Variants in DAB1 observed in about 807,000 individuals in gnomAD.
The protein encoded by DAB1 is DAB adaptor protein 1.
DAB1 carries 15 observed loss-of-function variants against 64.6 expected under a neutral mutation model. That is an observed-to-expected ratio of 0.23 (90% confidence interval 0.16 to 0.36). DAB1 has a LOEUF of 0.36. DAB1 is among the 10% of genes least tolerant of loss of function. DAB1 has a pLI of 1.00. For missense variants in DAB1, 596 were observed against 706.7 expected (o/e 0.84, Z 1.78); for synonymous variants, 235 against 251.9 (o/e 0.93, Z 0.64).
chr1:57,559,715 C>T (rs1395198031), intron 7 of DAB1, among the ~76,000 whole-genome samples: 1 of 152,180 alleles, frequency 6.6e-6, no homozygotes, highest in Non-Finnish European at 1.5e-5. Context: ...TTGGCACAGA[C>T]TCACTTAGCA....
In DAB1 at chr1:57,136,603, T is replaced by C; in HGVS notation, c.246A>G (p.Lys82=). The change falls in exon 4 of 15, where the codon AAA becomes AAG. Residue 82 remains lysine, a synonymous_variant. Transcript: ENST00000371236. ...AGGAGATGGTTAAAAAGATTTTCTG[T>C]TTGTGTTCTCCTTTGGAACGAGCGC... is the stretch of plus-strand genomic sequence containing the variant. The part of the protein sequence containing the change: ...VAGARSKGEH[K]QKIFLTISFG... The C allele has an allele frequency of 6.5e-7, 1 of 1,550,198 alleles. No homozygotes were observed. Among genetic ancestry groups the C allele is most frequent in the Non-Finnish European group, 8.8e-7 (1 of 1,134,670 alleles).
chr1:57,013,412 G>T (rs1349927776), intron 12 of DAB1, among the ~76,000 whole-genome samples: 4 of 152,118 alleles, frequency 2.6e-5, no homozygotes, highest in South Asian at 2.1e-4. Flanking sequence ...GCTTATTTAT[G>T]CATGGCTGTC....
Position 58,540,272 on chromosome 1 carries a change from T to C in DAB1, n.32+6431A>G, listed in dbSNP as rs545101528. Among the ~76,000 whole-genome samples the C allele has an allele frequency of 2.1e-5, 3 of 142,470 alleles. No homozygotes were observed. In the Admixed American group the frequency reaches 2.2e-4, roughly 11 times the overall value. 93.5% of individuals were successfully genotyped at this position (142,470 alleles called of 152,430 possible). Reference sequence around the variant, plus strand: ...AGATTAAATGCTTCCAAGCAACAACTGCATCCCAGGAAAAAAAAAAAATCT... The same window carrying C: ...AGATTAAATGCTTCCAAGCAACAACCGCATCCCAGGAAAAAAAAAAAATCT... On this transcript the variant is annotated intron_variant and non_coding_transcript_variant, in intron 1 of 20. Transcript: ENST00000485760.
intron 6 of DAB1, among the ~76,000 whole-genome samples, chr1:57,746,736 GTTATA>G (rs1557457565): frequency 6.6e-6 from 1 of 152,032 alleles, no homozygotes; most frequent in Non-Finnish European, 1.5e-5. Flanking sequence ...GTAAATGGTT[GTTATA>G]TTGTATCATT....
At chr1:58,172,231 G>C (rs970222535) in intron 4 of DAB1, among the ~76,000 whole-genome samples, 1 of 152,214 alleles carries the variant, frequency 6.6e-6, no homozygotes, top group Non-Finnish European at 1.5e-5. Flanking sequence ...ATGTCAGGGA[G>C]AGCAGGGATA....
rs1000778100 is a variant in DAB1 at position 57,126,756 on chromosome 1, C to T, written c.306+9787G>A. Among the ~76,000 whole-genome samples, 29 of 152,202 alleles carry T rather than the reference C, an allele frequency of 1.9e-4. 4 individuals are homozygous for T. Among genetic ancestry groups the T allele is most frequent in the Admixed American group, 1.6e-3 (24 of 15,272 alleles). ...AAATTCAGGCCTGCTAATGGCAAAT[C>T]TAGCCCTTTGTCTGCAACACTGGTC... On this transcript the variant is annotated intron_variant, in intron 4 of 14. Transcript: ENST00000371236.
chr1:57,873,549 C>T (rs1188886006), intron 1 of DAB1, among the ~76,000 whole-genome samples: 1 of 152,166 alleles, frequency 6.6e-6, no homozygotes, highest in Non-Finnish European at 1.5e-5. Context: ...TAGATGGGTA[C>T]AATTTAGCCT....
intron 6 of DAB1, among the ~76,000 whole-genome samples, chr1:57,699,840 G>A (rs770124956): frequency 2.6e-5 from 4 of 152,136 alleles, no homozygotes; most frequent in Admixed American, 1.3e-4. Flanking sequence ...TTGATCCCGG[G>A]AGGCGGAGGT....
intron 5 of DAB1, among the ~76,000 whole-genome samples, chr1:57,903,531 G>C (rs1246485675): frequency 6.6e-6 from 1 of 152,110 alleles, no homozygotes; most frequent in Non-Finnish European, 1.5e-5. Flanking sequence ...CCCAACCTCA[G>C]TCACATGAGG....
Position 58,534,254 on chromosome 1 carries a change from A to G in DAB1, n.33-6919T>C, listed in dbSNP as rs775920250. 1.3e-5 allele frequency: 11 copies of G among 871,632 alleles called. 1 individual carries two copies. The highest frequency in any genetic ancestry group is 6.6e-5 in the South Asian group (5 of 76,100). The allele number at this position is 871,632 out of a possible 1,614,324, so 54.0% of individuals were successfully genotyped here. ...GAACATCTTTATTGCATTCAATTAG[A>G]TGACAAAGCACTTCTTTAACAGCCA... On this transcript the variant is annotated intron_variant and non_coding_transcript_variant, in intron 1 of 20. Coordinates refer to the DAB1 transcript ENST00000485760.
chr1:58,332,329 T>C (rs763302336), intron 4 of DAB1, among the ~76,000 whole-genome samples: 6 of 152,146 alleles, frequency 3.9e-5, no homozygotes, highest in Non-Finnish European at 7.4e-5. Context: ...ATTCTTGATA[T>C]ATATTTTTTC....
Position 57,173,106 on chromosome 1 carries a change from G to A in DAB1, c.68-27677C>T, listed in dbSNP as rs147122232. Among the ~76,000 whole-genome samples the A allele has an allele frequency of 4.3e-3, 651 of 152,216 alleles. 9 individuals carry two copies. Among genetic ancestry groups the A allele is most frequent in the Admixed American group, 0.023 (351 of 15,284 alleles). On this transcript the variant is annotated intron_variant, in intron 2 of 14. Transcript: ENST00000371236. ...AGTAAAGCAGGACTGTATGTCACAGGTATAGTGATCAGAGGTGCCACACCC... is the reference window on the plus strand; with the variant it reads ...AGTAAAGCAGGACTGTATGTCACAGATATAGTGATCAGAGGTGCCACACCC...
intron 1 of DAB1, among the ~76,000 whole-genome samples, chr1:57,863,641 C>T (rs1428481396): frequency 1.3e-5 from 2 of 152,088 alleles, no homozygotes; most frequent in Non-Finnish European, 2.9e-5. Flanking sequence ...ACCACCCAAT[C>T]TGGGAAGGCT....
chr1:58,311,669 C>A lies in DAB1; in HGVS notation n.309+31683G>T, dbSNP rs1237201688. 2.6e-5 allele frequency among the ~76,000 whole-genome samples: 4 copies of A among 152,104 alleles called. No homozygotes were observed. In the East Asian group the frequency reaches 7.7e-4, roughly 29 times the overall value. Reference sequence around the variant, plus strand: ...AGGTCTAGGGTACTTCCTACCCAACCCCCCTTTCTTCCTCTTCTCCTTCCA... The same window carrying A: ...AGGTCTAGGGTACTTCCTACCCAACACCCCTTTCTTCCTCTTCTCCTTCCA... On this transcript the variant is annotated intron_variant and non_coding_transcript_variant, in intron 4 of 20. Transcript: ENST00000485760.
intron 7 of DAB1, among the ~76,000 whole-genome samples, chr1:57,574,407 T>C (rs1645225974): frequency 6.6e-6 from 1 of 152,182 alleles, no homozygotes; most frequent in Non-Finnish European, 1.5e-5. Flanking sequence ...TTTATTGAAT[T>C]TCCACTTTGT....
At chr1:57,623,573 G>T (rs915300749) in intron 7 of DAB1, among the ~76,000 whole-genome samples, 2 of 152,152 alleles carry the variant, frequency 1.3e-5, no homozygotes, top group Non-Finnish European at 2.9e-5. Flanking sequence ...GAGTATGAAT[G>T]ATATTGTTAG....
At chr1:57,007,613 C>T (rs759072557) in intron 14 of DAB1, among the ~76,000 whole-genome samples, 18 of 152,212 alleles carry the variant, frequency 1.2e-4, no homozygotes, top group Non-Finnish European at 1.9e-4. Context: ...GGATTGAGTC[C>T]GTCTGTTTCC....
At chr1:57,319,800 A>G (rs1420089763) in intron 1 of DAB1, among the ~76,000 whole-genome samples, 2 of 149,264 alleles carry the variant, frequency 1.3e-5, no homozygotes, top group Non-Finnish European at 3.0e-5. Flanking sequence ...CCTTCTGGGA[A>G]AAAAAAAAAT....
intron 6 of DAB1, among the ~76,000 whole-genome samples, chr1:57,690,833 A>G (rs919801967): frequency 1.3e-5 from 2 of 152,178 alleles, no homozygotes; most frequent in Non-Finnish European, 2.9e-5. Flanking sequence ...TGGATAAAAA[A>G]CATTTTTAAC....
Sources: allele counts gnomAD v4.1 joint callset (sites outside exome capture counted in the v4.1 genomes callset), GRCh38; gene constraint gnomAD v4.1.1; transcripts MANE v1.5; gene names NCBI Gene and HGNC (gene_info 2026-07-23, HGNC 2026-07-21).